Variants in GRM7 observed in about 807,000 individuals in gnomAD.
GRM7 encodes glutamate metabotropic receptor 7, also known as metabotropic glutamate receptor 7.
GRM7 carries 35 observed loss-of-function variants against 84.5 expected under a neutral mutation model. The ratio of observed to expected loss-of-function variants is 0.41; its 90% CI spans 0.32 to 0.55. The LOEUF (loss-of-function observed/expected upper bound fraction) is 0.55. Among genes scored for constraint, GRM7 ranks in the 20% least tolerant of loss-of-function variants. GRM7 has a pLI of 0.19. For synonymous variants in GRM7, 487 were observed against 455.1 expected, an observed-to-expected ratio of 1.07 and a Z score of -0.89; for missense variants, 1,003 against 1,194.6, an observed-to-expected ratio of 0.84 and a Z score of 2.36.
intron 7 of GRM7, among the ~76,000 whole-genome samples, chr3:7,540,478 C>A (rs1455833164): frequency 6.6e-6 from 1 of 151,876 alleles, no homozygotes; most frequent in East Asian, 1.9e-4. Context: ...AGCTAGATAC[C>A]CAAAAAACAT....
intron 7 of GRM7, among the ~76,000 whole-genome samples, chr3:7,497,302 G>A (rs1699740706): frequency 6.6e-6 from 1 of 152,170 alleles, no homozygotes; most frequent in Non-Finnish European, 1.5e-5. Context: ...CAGCCAAGCT[G>A]TCACATTAGG....
intron 8 of GRM7, chr3:7,607,250 G>T (rs1156527159): frequency 2.6e-5 from 4 of 151,596 alleles, no homozygotes; most frequent in Non-Finnish European, 5.9e-5. Flanking sequence ...ATCTTCCTTG[G>T]CATCATTAAA....
intron 1 of GRM7, among the ~76,000 whole-genome samples, chr3:7,113,963 C>G (rs1001590199): frequency 6.6e-6 from 1 of 152,082 alleles, no homozygotes; most frequent in Non-Finnish European, 1.5e-5. Context: ...AAAGATGACA[C>G]GGGACTTCAA....
chr3:7,261,123 C>A (rs1698405925), intron 2 of GRM7, among the ~76,000 whole-genome samples: 1 of 152,128 alleles, frequency 6.6e-6, no homozygotes, highest in Non-Finnish European at 1.5e-5. Context: ...TTTCATTTCC[C>A]AGCTTCCAGG....
At chr3:7,099,353 T>C (rs946515208) in intron 1 of GRM7, among the ~76,000 whole-genome samples, 12 of 147,826 alleles carry the variant, frequency 8.1e-5, no homozygotes, top group Non-Finnish European at 1.5e-5. Flanking sequence ...CATGTATATA[T>C]GTACACATGT....
intron 1 of GRM7, among the ~76,000 whole-genome samples, chr3:6,880,848 C>T (rs576595067): frequency 2.6e-5 from 4 of 152,132 alleles, no homozygotes; most frequent in South Asian, 2.1e-4. Context: ...AAAAAGGTAG[C>T]GATGTTAATT....
chr3:7,560,510 G>A (rs1355080812), intron 7 of GRM7, among the ~76,000 whole-genome samples: 1 of 151,962 alleles, frequency 6.6e-6, no homozygotes, highest in Non-Finnish European at 1.5e-5. Flanking sequence ...TGCTATTAAA[G>A]TTTGTTCCCC....
chr3:7,084,968 A>G (rs1698401065), intron 1 of GRM7, among the ~76,000 whole-genome samples: 2 of 152,218 alleles, frequency 1.3e-5, no homozygotes, highest in African/African-American at 4.8e-5. Flanking sequence ...TAATGAGCCC[A>G]GAAATTAAAA....
At chr3:7,163,030 G>A (rs1046403075) in intron 2 of GRM7, among the ~76,000 whole-genome samples, 1 of 151,876 alleles carries the variant, frequency 6.6e-6, no homozygotes, top group Non-Finnish European at 1.5e-5. Context: ...AAAGTGCTGG[G>A]ATTACAGGTG....
At chr3:7,723,678 CATCTCTACAACAAAT>C (rs1208189675) in intron 9 of GRM7, among the ~76,000 whole-genome samples, 1 of 151,962 alleles carries the variant, frequency 6.6e-6, no homozygotes, top group Non-Finnish European at 1.5e-5. Context: ...ATAAGACCCC[CATCTCTACAACAAAT>C]TTAAAAATGA....
At chr3:7,725,205 T>C (rs1702080807) in intron 9 of GRM7, among the ~76,000 whole-genome samples, 1 of 152,124 alleles carries the variant, frequency 6.6e-6, no homozygotes, top group Non-Finnish European at 1.5e-5. Context: ...AAGTGCTGTT[T>C]CACAGAGGGG....
chr3:7,374,123 C>T (rs9311990), intron 4 of GRM7, among the ~76,000 whole-genome samples: 36,117 of 151,824 alleles, frequency 0.24, 5,813 homozygotes, highest in African/African-American at 0.47. Flanking sequence ...AAACAAAGTC[C>T]AAGTAACAAA....
chr3:6,955,485 C>G (rs574975879), intron 1 of GRM7, among the ~76,000 whole-genome samples: 1 of 150,646 alleles, frequency 6.6e-6, no homozygotes, highest in Non-Finnish European at 1.5e-5. Context: ...TGCAGTGAGC[C>G]GAGATCACAC....
chr3:7,497,537 C>G (rs1384515146), intron 7 of GRM7, among the ~76,000 whole-genome samples: 4 of 152,114 alleles, frequency 2.6e-5, no homozygotes, highest in African/African-American at 9.7e-5. Flanking sequence ...TTTATGTTTT[C>G]TTACAGATTA....
At chr3:7,576,665 T>G (rs1207889767) in intron 7 of GRM7, among the ~76,000 whole-genome samples, 1 of 152,208 alleles carries the variant, frequency 6.6e-6, no homozygotes, top group Non-Finnish European at 1.5e-5. Context: ...TCCAGTATCT[T>G]TCTAATCTAT....
At chr3:7,433,309 G>A (rs777064655) in intron 5 of GRM7, among the ~76,000 whole-genome samples, 8 of 152,188 alleles carry the variant, frequency 5.3e-5, no homozygotes, top group Non-Finnish European at 8.8e-5. Flanking sequence ...AGTGATGCAC[G>A]TGTTTACACT....
At chr3:7,500,952 C>A (rs1699864566) in intron 7 of GRM7, among the ~76,000 whole-genome samples, 1 of 152,192 alleles carries the variant, frequency 6.6e-6, no homozygotes, top group East Asian at 1.9e-4. Context: ...CTGCCTCAAC[C>A]AAATCAGTCA....
rs1490109489 is a variant in GRM7 at position 7,599,750 on chromosome 3, T to C, written c.2451+20393T>C. On this transcript the variant is annotated intron_variant, in intron 8 of 9. Transcript: ENST00000357716. ...CTTATACTCCTGAAAATCAGGTGGC[T>C]TAATGACAACCTGATATCATGAAGC... 2.6e-5 allele frequency among the ~76,000 whole-genome samples: 4 copies of C among 152,154 alleles called. No individual in the cohort carries two copies. In the East Asian group the frequency reaches 7.7e-4, roughly 29 times the overall value.
At chr3:7,027,949 C>T (rs903095122) in intron 1 of GRM7, among the ~76,000 whole-genome samples, 1 of 152,114 alleles carries the variant, frequency 6.6e-6, no homozygotes, top group Non-Finnish European at 1.5e-5. Context: ...TACTTAGCCT[C>T]AAAAGAATTT....
Sources: allele counts gnomAD v4.1 joint callset (sites outside exome capture counted in the v4.1 genomes callset), GRCh38; gene constraint gnomAD v4.1.1; transcripts MANE v1.5; gene names NCBI Gene and HGNC (gene_info 2026-07-23, HGNC 2026-07-21).